CDK13: variants seen among roughly 807,000 people sequenced by gnomAD.
CDK13 encodes the protein cyclin-dependent kinase 13.
Under a neutral mutation model 137.6 loss-of-function variants are expected in CDK13, and 40 were observed. That is an observed-to-expected ratio of 0.29 (90% CI 0.23 to 0.38). The LOEUF (loss-of-function observed/expected upper bound fraction) is 0.38. Ranked by LOEUF, CDK13 falls within the 10% of genes least tolerant of loss-of-function variation. The pLI, the probability that CDK13 is intolerant of heterozygous loss-of-function variation, is 1.00. For missense variants in CDK13, 1,704 were observed against 1,951.8 expected, an observed-to-expected ratio of 0.87 and a Z score of 2.39; for synonymous variants, 869 against 760.1, an observed-to-expected ratio of 1.14 and a Z score of -2.36.
rs1307241610 is a variant in CDK13, at chr7:40,092,626, CATG to C, written c.3236-156_3236-154del. ...TATGTACAGGTACATTTTAAATGTA[CATG>C]ATATTTAACTAGACTTGAGGTTCTC... On this transcript the variant is annotated intron_variant, in intron 12 of 13. Coordinates refer to ENST00000181839, the MANE Select transcript of CDK13 (RefSeq NM_003718.5). The C allele has an allele frequency of 1.2e-5, 7 of 598,426 alleles. No individual in the cohort carries two copies. The East Asian group carries it at 1.7e-4, about 14-fold the overall frequency. 37.1% of individuals were successfully genotyped at this position (598,426 alleles called of 1,614,324 possible).
chr7:40,048,189 T>C (rs377530893), intron 7 of CDK13: 8 of 212,538 alleles, frequency 3.8e-5, no homozygotes, highest in East Asian at 3.2e-4. Flanking sequence ...ATGAAAACCT[T>C]TTAAATTGCA....
At chr7:40,080,995 T>C (rs922217333) in intron 11 of CDK13, among the ~76,000 whole-genome samples, 6 of 102,480 alleles carry the variant, frequency 5.9e-5, no homozygotes, top group African/African-American at 1.9e-4. Context: ...ATTTCTCTTA[T>C]AGACTTTTTT....
At chr7:39,955,216 G>A (rs1787372492) in intron 1 of CDK13, among the ~76,000 whole-genome samples, 1 of 152,088 alleles carries the variant, frequency 6.6e-6, no homozygotes, top group African/African-American at 2.4e-5. Flanking sequence ...TGTGTGCCAG[G>A]CATTGATAAA....
At chr7:39,965,385 T>G (rs1383278346) in intron 1 of CDK13, among the ~76,000 whole-genome samples, 1 of 152,176 alleles carries the variant, frequency 6.6e-6, no homozygotes, top group Admixed American at 6.5e-5. Context: ...CCTTCTTTGT[T>G]TCTTTTGATC....
Position 40,005,545 on chromosome 7 carries a change from C to T in CDK13, c.2353+3514C>T, listed in dbSNP as rs373373564. Reference sequence around the variant, plus strand: ...CTCCTGACCTCAAGTGATCTGCCTGCCTTGGCCGCCCAAAGTGCTTAGATT... The same window carrying T: ...CTCCTGACCTCAAGTGATCTGCCTGTCTTGGCCGCCCAAAGTGCTTAGATT... On this transcript the variant is annotated intron_variant, in intron 5 of 13. Transcript: ENST00000181839. Among the ~76,000 whole-genome samples, 30 of 152,242 alleles carry T rather than the reference C, an allele frequency of 2.0e-4. No homozygotes were observed. The East Asian group carries it at 4.8e-3, about 25-fold the overall frequency.
chr7:40,013,444 G>C (rs182970584), intron 5 of CDK13, among the ~76,000 whole-genome samples: 3 of 152,318 alleles, frequency 2.0e-5, no homozygotes, highest in African/African-American at 7.2e-5. Context: ...TAAACGAGAT[G>C]AAGTAATACA....
At chr7:39,964,190 A>C (rs1259507929) in intron 1 of CDK13, among the ~76,000 whole-genome samples, 1 of 152,174 alleles carries the variant, frequency 6.6e-6, no homozygotes, top group African/African-American at 2.4e-5. Flanking sequence ...TTTCAGAAGG[A>C]ATGGTACCAG....
At chr7:39,954,318 T>A (rs1328965979) in intron 1 of CDK13, among the ~76,000 whole-genome samples, 1 of 152,192 alleles carries the variant, frequency 6.6e-6, no homozygotes, top group Non-Finnish European at 1.5e-5. Context: ...ATATAATAAG[T>A]GTATTGTTAC....
At chr7:39,957,425 G>A (rs940662687) in intron 1 of CDK13, among the ~76,000 whole-genome samples, 2 of 150,856 alleles carry the variant, frequency 1.3e-5, no homozygotes, top group African/African-American at 4.9e-5. Context: ...GCTCCTAGAG[G>A]ACAAATTACA....
intron 1 of CDK13, among the ~76,000 whole-genome samples, chr7:39,963,567 C>T (rs1318778088): frequency 6.6e-6 from 1 of 152,208 alleles, no homozygotes; most frequent in East Asian, 1.9e-4. Context: ...ATGTCATCTG[C>T]AAACAGGGAC....
intron 5 of CDK13, among the ~76,000 whole-genome samples, chr7:40,012,689 C>T (rs111800683): frequency 0.03 from 4,634 of 151,960 alleles, 232 homozygotes; most frequent in African/African-American, 0.11. Context: ...CTGAGGTGGG[C>T]GGATCACCTG....
At chr7:40,059,943 C>A (rs923693981) in intron 7 of CDK13, among the ~76,000 whole-genome samples, 1 of 152,126 alleles carries the variant, frequency 6.6e-6, no homozygotes, top group Admixed American at 6.5e-5. Flanking sequence ...TCTTGTCTAA[C>A]AGAAACTAAG....
chr7:39,973,009 T>G (rs1358932148), intron 1 of CDK13, among the ~76,000 whole-genome samples: 2 of 152,218 alleles, frequency 1.3e-5, no homozygotes, highest in African/African-American at 4.8e-5. Context: ...GGATCACATT[T>G]TGGTTTAGAT....
intron 5 of CDK13, among the ~76,000 whole-genome samples, chr7:40,007,274 A>G (rs1562725132): frequency 1.3e-5 from 2 of 152,226 alleles, no homozygotes. Context: ...TGCTTGTGGC[A>G]ACATGTCACT....
intron 1 of CDK13, among the ~76,000 whole-genome samples, chr7:39,963,980 A>G (rs12539956): frequency 0.091 from 13,863 of 152,200 alleles, 1,052 homozygotes; most frequent in East Asian, 0.36. Context: ...CCACTTGATC[A>G]TGGTGGATAA....
At chr7:40,042,270 G>A (rs185384454) in intron 5 of CDK13, among the ~76,000 whole-genome samples, 1 of 151,540 alleles carries the variant, frequency 6.6e-6, no homozygotes, top group East Asian at 2.0e-4. Context: ...TAGTAGAGAC[G>A]GGGTTTCACC....
chr7:40,059,225 C>T (rs372571714), intron 7 of CDK13: 122 of 152,324 alleles, frequency 8.0e-4, no homozygotes, highest in African/African-American at 2.9e-3. Flanking sequence ...GGGGCACACT[C>T]CTTATCACAC....
chr7:40,017,002 T>C (rs1426874913), intron 5 of CDK13, among the ~76,000 whole-genome samples: 1 of 152,150 alleles, frequency 6.6e-6, no homozygotes, highest in East Asian at 1.9e-4. Flanking sequence ...AGTCACGTTT[T>C]TTCAGTTTCC....
intron 1 of CDK13, among the ~76,000 whole-genome samples, chr7:39,961,180 G>A (rs1160379987): frequency 6.6e-6 from 1 of 151,930 alleles, no homozygotes; most frequent in Admixed American, 6.6e-5. Context: ...CCAACATGGC[G>A]AAACCCCGTC....
Sources: allele counts gnomAD v4.1 joint callset (sites outside exome capture counted in the v4.1 genomes callset), GRCh38; gene constraint gnomAD v4.1.1; transcripts MANE v1.5; gene names NCBI Gene and HGNC (gene_info 2026-07-23, HGNC 2026-07-21).